The following SYN3 variants were observed in gnomAD, a reference collection of about 807,000 sequenced individuals.
The protein encoded by SYN3 is synapsin-3.
In SYN3, 35 loss-of-function variants were observed where a neutral mutation model predicts 65.8. That is an observed-to-expected ratio of 0.53 (90% CI 0.41 to 0.70). The LOEUF (loss-of-function observed/expected upper bound fraction) is 0.70, where lower values mean the gene tolerates loss of function less well. Among genes scored for constraint, SYN3 ranks in the 30% least tolerant of loss-of-function variants. The pLI is 0.00. For synonymous variants in SYN3, 270 were observed against 292.9 expected (o/e 0.92, Z 0.80); for missense variants, 680 against 749.0 (o/e 0.91, Z 1.08).
At chr22:32,763,071 T>A (rs1356763761) in intron 6 of SYN3, among the ~76,000 whole-genome samples, 1 of 152,232 alleles carries the variant, frequency 6.6e-6, no homozygotes, top group Admixed American at 6.5e-5. Context: ...TTTGAATGTA[T>A]GAACTCATTT....
At chr22:32,716,632 G>A (rs1488082826) in intron 6 of SYN3, among the ~76,000 whole-genome samples, 3 of 152,056 alleles carry the variant, frequency 2.0e-5, no homozygotes, top group Non-Finnish European at 2.9e-5. Context: ...CCAAGTTCAA[G>A]TCATCCTCCC....
chr22:32,710,973 T>C (rs1393229946), intron 6 of SYN3, among the ~76,000 whole-genome samples: 2 of 152,322 alleles, frequency 1.3e-5, no homozygotes, highest in African/African-American at 2.4e-5. Context: ...CCTTTCTCTA[T>C]ACCCTGCCTA....
At chr22:32,871,113 C>T (rs2048839126) in intron 4 of SYN3, among the ~76,000 whole-genome samples, 1 of 152,224 alleles carries the variant, frequency 6.6e-6, no homozygotes, top group Admixed American at 6.5e-5. Context: ...TAAGAATAAC[C>T]CCATCCTTCT....
At chr22:32,752,988 C>T (rs1348759312) in intron 6 of SYN3, among the ~76,000 whole-genome samples, 2 of 152,172 alleles carry the variant, frequency 1.3e-5, no homozygotes, top group African/African-American at 4.8e-5. Context: ...ACCACTGAAA[C>T]CACCAGAAGG....
In SYN3 at chr22:32,623,627, C is replaced by T. The variant is rs1330287237; in HGVS notation, c.712-26891G>A. 2.0e-5 allele frequency among the ~76,000 whole-genome samples: 3 copies of T among 152,336 alleles called. No individual in the cohort carries two copies. In the South Asian group the frequency reaches 6.2e-4, roughly 32 times the overall value. On this transcript the variant is annotated intron_variant, in intron 6 of 13. Transcript: ENST00000358763. ...GATATGCTCCTGGATCCCTGGAATC[C>T]AGACGTGCCACTTCCCACTCCATTC...
At chr22:32,831,296 G>A (rs377635055) in intron 6 of SYN3, among the ~76,000 whole-genome samples, 26 of 152,328 alleles carry the variant, frequency 1.7e-4, no homozygotes, top group East Asian at 1.9e-4. Flanking sequence ...GGGAGGACGG[G>A]GCTGGATGGT....
At chr22:32,887,022 T>A (rs1321020828) in intron 4 of SYN3, among the ~76,000 whole-genome samples, 1 of 148,842 alleles carries the variant, frequency 6.7e-6, no homozygotes, top group Non-Finnish European at 1.5e-5. Flanking sequence ...TAAGTCTCAG[T>A]CTTGCTCCCA....
chr22:32,891,777 T>C (rs538409632), intron 4 of SYN3, among the ~76,000 whole-genome samples: 1 of 152,082 alleles, frequency 6.6e-6, no homozygotes, highest in African/African-American at 2.4e-5. Context: ...TTCAGCCCCC[T>C]TTTCCTGTCT....
chr22:32,912,720 C>G (rs558393801), intron 4 of SYN3, among the ~76,000 whole-genome samples: 1 of 136,474 alleles, frequency 7.3e-6, no homozygotes, highest in South Asian at 2.6e-4. Flanking sequence ...GACCTTTTCT[C>G]TAAAAAAAAA....
At chr22:33,052,047 C>A (rs1442648966) in intron 1 of SYN3, among the ~76,000 whole-genome samples, 2 of 152,142 alleles carry the variant, frequency 1.3e-5, no homozygotes, top group East Asian at 3.9e-4. Flanking sequence ...AGCCTCACAT[C>A]GTGCACTTTG....
intron 6 of SYN3, among the ~76,000 whole-genome samples, chr22:32,743,072 A>T (rs556396916): frequency 3.9e-5 from 6 of 152,244 alleles, no homozygotes; most frequent in Non-Finnish European, 7.3e-5. Context: ...CCTTGAAGTA[A>T]TTGAAGACTG....
intron 6 of SYN3, among the ~76,000 whole-genome samples, chr22:32,643,717 C>A (rs2059940397): frequency 6.6e-6 from 1 of 151,998 alleles, no homozygotes; most frequent in Non-Finnish European, 1.5e-5. Context: ...TTGAGTTTAG[C>A]CTTCTCATTT....
In SYN3 at chr22:33,030,547, C is replaced by T. The variant is rs1460015605; in HGVS notation, c.-162-23723G>A. Among the ~76,000 whole-genome samples, 5 of 148,354 alleles carry T rather than the reference C, an allele frequency of 3.4e-5. No homozygotes were observed. In the East Asian group the frequency reaches 6.0e-4, roughly 18 times the overall value. ...AGATACAAAGAGACCCACAGAGAAACGGAAAAAATATATAGAGACTGAGAG... is the reference window on the plus strand; with the variant it reads ...AGATACAAAGAGACCCACAGAGAAATGGAAAAAATATATAGAGACTGAGAG... On this transcript the variant is annotated intron_variant, in intron 1 of 13. Transcript: ENST00000358763.
Position 32,837,835 on chromosome 22 carries a change from C to T in SYN3, c.711+27080G>A, listed in dbSNP as rs1341815001. On this transcript the variant is annotated intron_variant, in intron 6 of 13. Coordinates refer to ENST00000358763, the MANE Select transcript of SYN3 (RefSeq NM_003490.4). The surrounding 1 kb of genome is among the most constrained non-coding windows in gnomAD (Gnocchi z 4.1). ...CCCAACCTACCAAGCTGGGAGTTACCGCCCACTGCAAGGCACCCCTGTACT... is the reference window on the plus strand; with the variant it reads ...CCCAACCTACCAAGCTGGGAGTTACTGCCCACTGCAAGGCACCCCTGTACT... 2.0e-5 allele frequency among the ~76,000 whole-genome samples: 3 copies of T among 152,144 alleles called. No individual in the cohort carries two copies. The highest frequency in any genetic ancestry group is 6.5e-5 in the Admixed American group (1 of 15,274).
chr22:32,640,007 A>G (rs2059873153), intron 6 of SYN3, among the ~76,000 whole-genome samples: 1 of 152,140 alleles, frequency 6.6e-6, no homozygotes, highest in African/African-American at 2.4e-5. Context: ...TTCAATCCAT[A>G]TGTTCTAGAA....
chr22:33,002,894 C>G (rs1174159122), intron 2 of SYN3, among the ~76,000 whole-genome samples: 1 of 152,164 alleles, frequency 6.6e-6, no homozygotes. Flanking sequence ...CCCATAATCT[C>G]TATGTGTTGT....
At chr22:33,042,022 A>G (rs2053973642) in intron 1 of SYN3, among the ~76,000 whole-genome samples, 1 of 152,182 alleles carries the variant, frequency 6.6e-6, no homozygotes, top group Non-Finnish European at 1.5e-5. Context: ...ACGTGATGGT[A>G]TTTAGAGATG....
chr22:32,643,566 C>G (rs1366644780), intron 6 of SYN3, among the ~76,000 whole-genome samples: 56 of 62,076 alleles, frequency 9.0e-4, no homozygotes, highest in Middle Eastern at 8.6e-3. Flanking sequence ...GCGGGGGGGG[C>G]AGAACAGACC....
intron 6 of SYN3, among the ~76,000 whole-genome samples, chr22:32,739,454 C>T (rs1161434501): frequency 6.6e-6 from 1 of 151,440 alleles, no homozygotes; most frequent in Non-Finnish European, 1.5e-5. Flanking sequence ...TACAGTGTCC[C>T]TTCAAAGTCC....
Sources: gnomAD v4.1 joint callset for allele counts (sites outside exome capture counted in the v4.1 genomes callset) on GRCh38, gnomAD v4.1.1 for gene constraint, Gnocchi (gnomAD v3.1) non-coding constraint, MANE v1.5 for transcripts, NCBI Gene and HGNC (gene_info 2026-07-23, HGNC 2026-07-21) for gene names.